Variants in SYTL2 observed in about 807,000 individuals in gnomAD.
The protein encoded by SYTL2 is synaptotagmin-like protein 2.
SYTL2 carries 165 observed loss-of-function variants against 198.7 expected under a neutral mutation model. The ratio of observed to expected loss-of-function variants is 0.83; its 90% CI spans 0.73 to 0.94. The LOEUF is 0.94. SYTL2 is among the 40% of genes least tolerant of loss of function. The pLI is 0.00. For missense variants in SYTL2, 2,835 were observed against 2,582.8 expected (o/e 1.10, Z -2.12); for synonymous variants, 966 against 917.7 (o/e 1.05, Z -0.95).
intron 1 of SYTL2, among the ~76,000 whole-genome samples, chr11:85,796,206 T>A (rs1373190060): frequency 6.6e-6 from 1 of 152,310 alleles, no homozygotes; most frequent in East Asian, 1.9e-4. Context: ...GGGCAAATAT[T>A]TAACTTCTCC....
chr11:85,805,749 C>A (rs1311400077), intron 1 of SYTL2, among the ~76,000 whole-genome samples: 1 of 152,232 alleles, frequency 6.6e-6, no homozygotes, highest in Non-Finnish European at 1.5e-5. Flanking sequence ...CAGAAATCAA[C>A]TGATACCTTT....
chr11:85,837,685 G>A, the SYTL2 span, among the ~76,000 whole-genome samples: 1 of 152,150 alleles, frequency 6.6e-6, no homozygotes, highest in Non-Finnish European at 1.5e-5. Flanking sequence ...CTACTGCTAT[G>A]ACTCCAAATC....
At chr11:85,718,690 GA>G in intron 10 of SYTL2, 99 bp downstream of exon 10, 1 of 1,010,520 alleles carries the variant, frequency 9.9e-7, no homozygotes, top group East Asian at 2.5e-5. Context: ...AGTGGCAAAT[GA>G]CGTTCTTCTG....
At chr11:85,830,871 G>T in the SYTL2 span, among the ~76,000 whole-genome samples, 1 of 151,968 alleles carries the variant, frequency 6.6e-6, no homozygotes, top group African/African-American at 2.4e-5. Flanking sequence ...TGCTTCCTAG[G>T]ATCACTTCCT....
intron 2 of SYTL2, among the ~76,000 whole-genome samples, chr11:85,755,190 CCCA>C (rs965860765): frequency 3.9e-5 from 6 of 152,098 alleles, no homozygotes; most frequent in Non-Finnish European, 8.8e-5. Context: ...CCAAACTATC[CCCA>C]CAAGTCCCTT....
At chr11:85,848,710 G>C in the SYTL2 span, among the ~76,000 whole-genome samples, 670 of 152,282 alleles carry the variant, frequency 4.4e-3, 4 homozygotes, top group African/African-American at 0.015. Context: ...GCAATTCATT[G>C]TTGCTAAATA....
chr11:85,759,993 G>T (rs1370292747), intron 1 of SYTL2, among the ~76,000 whole-genome samples: 1 of 152,164 alleles, frequency 6.6e-6, no homozygotes, highest in Non-Finnish European at 1.5e-5. Flanking sequence ...AGTAAGCAAA[G>T]AATTCATCCC....
At chr11:85,841,400 C>T in the SYTL2 span, among the ~76,000 whole-genome samples, 1 of 152,162 alleles carries the variant, frequency 6.6e-6, no homozygotes, top group Non-Finnish European at 1.5e-5. Context: ...TTCACAATGG[C>T]AAAGACATGG....
the SYTL2 span, among the ~76,000 whole-genome samples, chr11:85,832,265 G>T: frequency 6.6e-6 from 1 of 152,112 alleles, no homozygotes; most frequent in East Asian, 1.9e-4. Flanking sequence ...TATGAGGTGG[G>T]TATTACTAAT....
the SYTL2 span, among the ~76,000 whole-genome samples, chr11:85,846,973 A>G: frequency 6.6e-6 from 1 of 152,186 alleles, no homozygotes; most frequent in South Asian, 2.1e-4. Context: ...ACCTCAGGTG[A>G]TCCACCTGCC....
chr11:85,851,985 C>T, the SYTL2 span, among the ~76,000 whole-genome samples: 1 of 152,068 alleles, frequency 6.6e-6, no homozygotes, highest in Non-Finnish European at 1.5e-5. Flanking sequence ...AAACACAATA[C>T]TGATAGACTA....
chr11:85,833,729 C>CTTTT, the SYTL2 span, among the ~76,000 whole-genome samples: 4 of 121,156 alleles, frequency 3.3e-5, no homozygotes, highest in African/African-American at 9.2e-5. Context: ...TCGAAGATTT[C>CTTTT]TTTTTTTTTT....
intron 6 of SYTL2, among the ~76,000 whole-genome samples, chr11:85,735,341 C>A (rs1301452083): frequency 6.6e-6 from 1 of 152,034 alleles, no homozygotes; most frequent in Non-Finnish European, 1.5e-5. Flanking sequence ...AAGAAAATTT[C>A]TCAAAAGAGG....
the SYTL2 span, among the ~76,000 whole-genome samples, chr11:85,831,118 A>G: frequency 6.6e-6 from 1 of 152,240 alleles, no homozygotes; most frequent in African/African-American, 2.4e-5. Context: ...TGCCTTAACA[A>G]TAGCAGAAAT....
chr11:85,799,126 G>A (rs2092847428), intron 1 of SYTL2, among the ~76,000 whole-genome samples: 1 of 152,156 alleles, frequency 6.6e-6, no homozygotes, highest in South Asian at 2.1e-4. Flanking sequence ...GCCCATCAAT[G>A]TACTAAAAAC....
Position 85,734,394 on chromosome 11 carries a change from G to C in SYTL2, c.935C>G (p.Ser312Cys). ...GTCTTCTAAAGAATGCTCCTTCTCA[G>C]AAATTCTCTCATGGATGGTTAGGCC... is the stretch of plus-strand genomic sequence containing the variant. Reference protein sequence around the residue: ...SPGLTIHERISEKEHSLEDNS... With the variant: ...SPGLTIHERICEKEHSLEDNS... The change falls in exon 7 of 20, where the codon TCT (serine) becomes TGT (cysteine). Residue 312 changes from serine (S) to cysteine (C), a missense_variant. Ser to Cys is a moderately radical substitution (Grantham distance 112, BLOSUM62 -1). Coordinates refer to ENST00000359152, the MANE Select transcript of SYTL2 (RefSeq NM_206927.4). The C allele has an allele frequency of 6.2e-7, 1 of 1,614,200 alleles. No individual in the cohort carries two copies. The highest frequency in any genetic ancestry group is 8.5e-7 in the Non-Finnish European group (1 of 1,180,024).
intron 1 of SYTL2, among the ~76,000 whole-genome samples, chr11:85,783,260 A>G (rs2092589466): frequency 6.6e-6 from 1 of 152,190 alleles, no homozygotes; most frequent in Non-Finnish European, 1.5e-5. Flanking sequence ...AGTGCCAAGC[A>G]AAAGGGGGAA....
intron 1 of SYTL2, among the ~76,000 whole-genome samples, chr11:85,798,906 G>A (rs1306377628): frequency 1.3e-5 from 2 of 152,184 alleles, no homozygotes; most frequent in African/African-American, 4.8e-5. Context: ...AAACAGTTTA[G>A]GCACAGTGAG....
Position 85,728,979 on chromosome 11 carries a change from C to T in SYTL2, c.1391-1012G>A, listed in dbSNP as rs1033177567. ...ACCGTGTTTTCAATCCAACAAAGAT[C>T]AAAAAGACAAAGAAGGGCATTACAT... On this transcript the variant is annotated intron_variant, in intron 7 of 19. Coordinates refer to ENST00000359152, the MANE Select transcript of SYTL2 (RefSeq NM_206927.4). 1.9e-4 allele frequency among the ~76,000 whole-genome samples: 29 copies of T among 152,120 alleles called. No homozygotes were observed. In the East Asian group the frequency reaches 2.5e-3, roughly 13 times the overall value.
Sources: gnomAD v4.1 joint callset for allele counts (sites outside exome capture counted in the v4.1 genomes callset) on GRCh38, gnomAD v4.1.1 for gene constraint, MANE v1.5 for transcripts, NCBI Gene and HGNC (gene_info 2026-07-23, HGNC 2026-07-21) for gene names.